EYA4: variants seen among roughly 807,000 people sequenced by gnomAD.
EYA4 encodes the protein protein phosphatase EYA4.
A neutral mutation model predicts 87.9 loss-of-function variants in EYA4; 31 were observed. That is an observed-to-expected ratio of 0.35 (90% CI 0.27 to 0.48). EYA4 has a LOEUF of 0.48. Ranked by LOEUF, EYA4 falls within the 20% of genes least tolerant of loss-of-function variation. The pLI, the probability that EYA4 is intolerant of heterozygous loss-of-function variation, is 0.99. For missense variants in EYA4, 678 were observed against 761.4 expected (o/e 0.89, Z 1.29); for synonymous variants, 263 against 270.6 (o/e 0.97, Z 0.28).
intron 11 of EYA4, among the ~76,000 whole-genome samples, chr6:133,472,845 G>A (rs201455542): frequency 0.024 from 3,350 of 142,052 alleles, 127 homozygotes; most frequent in African/African-American, 0.084. Flanking sequence ...TTACCATTAT[G>A]TAATGGCCTT....
intron 3 of EYA4, among the ~76,000 whole-genome samples, chr6:133,396,776 G>A (rs1400514557): frequency 6.6e-6 from 1 of 152,084 alleles, no homozygotes; most frequent in East Asian, 1.9e-4. Context: ...TTACCCATTG[G>A]TATTTCTCCA....
Position 133,305,183 on chromosome 6 carries a change from G to A in EYA4, c.33+30370G>A, listed in dbSNP as rs149176333. ...AATGCAAAGAGTCATGAAAGTTGGGGCAGTGGGAGTTATAGTAAGAGATGG... is the reference window on the plus strand; with the variant it reads ...AATGCAAAGAGTCATGAAAGTTGGGACAGTGGGAGTTATAGTAAGAGATGG... On this transcript the variant is annotated intron_variant, in intron 2 of 19. Coordinates refer to ENST00000355286, the MANE Select transcript of EYA4 (RefSeq NM_004100.5). 5.4e-3 allele frequency among the ~76,000 whole-genome samples: 821 copies of A among 152,266 alleles called. 6 individuals are homozygous for A. The highest frequency in any genetic ancestry group is 8.8e-3 in the Non-Finnish European group (596 of 68,014).
At chr6:133,258,694 G>A (rs952560800) in intron 1 of EYA4, among the ~76,000 whole-genome samples, 2 of 151,890 alleles carry the variant, frequency 1.3e-5, no homozygotes, top group Non-Finnish European at 2.9e-5. Flanking sequence ...TGCTTGTATG[G>A]CTCTCCATCT....
Position 133,530,284 on chromosome 6 carries a change from C to T in EYA4, c.*1479C>T, listed in dbSNP as rs989837535. ...TTAGTTTCTGCCTGTATTGTCACTGCGCAACGGATGGCATTCATTACAAGA... is the reference window on the plus strand; with the variant it reads ...TTAGTTTCTGCCTGTATTGTCACTGTGCAACGGATGGCATTCATTACAAGA... On this transcript the variant is annotated 3_prime_UTR_variant, in exon 20 of 20. Transcript: ENST00000355286. 2.7e-5 allele frequency: 27 copies of T among 985,242 alleles called. No individual in the cohort carries two copies. Among genetic ancestry groups the T allele is most frequent in the South Asian group, 4.7e-5 (1 of 21,288 alleles). The allele number at this position is 985,242 out of a possible 1,614,324, so 61.0% of individuals were successfully genotyped here.
intron 2 of EYA4, among the ~76,000 whole-genome samples, chr6:133,299,494 G>A (rs550901172): frequency 5.3e-5 from 8 of 151,858 alleles, no homozygotes; most frequent in African/African-American, 1.9e-4. Flanking sequence ...GGTGGATCAC[G>A]AGGTCAGGAG....
intron 2 of EYA4, among the ~76,000 whole-genome samples, chr6:133,365,101 A>T (rs1426095335): frequency 6.6e-6 from 1 of 152,154 alleles, no homozygotes; most frequent in African/African-American, 2.4e-5. Context: ...TGGTCAAAAG[A>T]TGGAACAGGA....
At chr6:133,509,985 C>A (rs2128772358) in intron 14 of EYA4, among the ~76,000 whole-genome samples, 1 of 152,204 alleles carries the variant, frequency 6.6e-6, no homozygotes, top group African/African-American at 2.4e-5. Context: ...AGGCAACCGT[C>A]CAGAGTCAAC....
At chr6:133,434,247 C>A (rs756793945) in intron 3 of EYA4, among the ~76,000 whole-genome samples, 6 of 152,072 alleles carry the variant, frequency 3.9e-5, no homozygotes, top group Non-Finnish European at 7.4e-5. Flanking sequence ...TGACCCATGA[C>A]AATAAATGAA....
chr6:133,405,947 G>A (rs1788663761), intron 3 of EYA4, among the ~76,000 whole-genome samples: 1 of 152,082 alleles, frequency 6.6e-6, no homozygotes, highest in African/African-American at 2.4e-5. Flanking sequence ...GTGAGAGCAT[G>A]TCTGTTGTAT....
chr6:133,404,879 C>T (rs296425), intron 3 of EYA4, among the ~76,000 whole-genome samples: 106,855 of 152,118 alleles, frequency 0.7, 39,234 homozygotes, highest in Non-Finnish European at 0.82. Flanking sequence ...AAATGGGAAA[C>T]CCTAATTCCC....
In EYA4 at chr6:133,329,970, A is replaced by C. The variant is rs527499582; in HGVS notation, c.34-52422A>C. 2.0e-5 allele frequency among the ~76,000 whole-genome samples: 3 copies of C among 152,238 alleles called. No individual in the cohort carries two copies. In the South Asian group the frequency reaches 6.2e-4, roughly 32 times the overall value. ...GCATAGGAATGAACAAGAGTTGTCT[A>C]AGAAAGATGATTGAATTGGGTCAGA... On this transcript the variant is annotated intron_variant, in intron 2 of 19. Transcript: ENST00000355286.
At chr6:133,313,982 G>A (rs17242410) in intron 2 of EYA4, among the ~76,000 whole-genome samples, 66,466 of 151,828 alleles carry the variant, frequency 0.44, 15,241 homozygotes, top group Non-Finnish European at 0.53. Context: ...AAAAATGGCT[G>A]AACTCTAATA....
chr6:133,494,059 A>T (rs2128734343), intron 13 of EYA4, among the ~76,000 whole-genome samples: 1 of 152,340 alleles, frequency 6.6e-6, no homozygotes, highest in South Asian at 2.1e-4. Context: ...GTGATCCAGC[A>T]ATCTCATTGC....
At chr6:133,349,317 G>GT (rs1490341052) in intron 2 of EYA4, among the ~76,000 whole-genome samples, 1 of 152,008 alleles carries the variant, frequency 6.6e-6, no homozygotes, top group Admixed American at 6.6e-5. Flanking sequence ...ATAAATTTTA[G>GT]TTTTTTTGTT....
intron 14 of EYA4, among the ~76,000 whole-genome samples, chr6:133,511,516 C>G (rs930112053): frequency 3.3e-5 from 5 of 151,630 alleles, no homozygotes; most frequent in African/African-American, 1.2e-4. Flanking sequence ...GAGAACTAGG[C>G]ATTTTAAATG....
At position 133,456,625 on chromosome 6, in the gene EYA4, C is replaced by T. The variant is rs747223436; in HGVS notation, c.347C>T (p.Ala116Val). ...ACCACAGCCACGACTGGAGATGGAG[C>T]GCTTGACACTTTTACTGGGTCAGGT... ...SETTATTGDG[A>V]LDTFTGSVIT... The change falls in exon 6 of 20, where the codon GCG (alanine) becomes GTG (valine). Residue 116 changes from alanine (A) to valine (V), a missense_variant. Transcript: ENST00000355286. 1.7e-5 allele frequency: 27 copies of T among 1,612,890 alleles called. No homozygotes were observed. The Admixed American group carries it at 2.7e-4, about 16-fold the overall frequency.
At chr6:133,266,691 A>G (rs2128250130) in intron 1 of EYA4, among the ~76,000 whole-genome samples, 1 of 152,302 alleles carries the variant, frequency 6.6e-6, no homozygotes. Context: ...ATACTTGTCT[A>G]AAAGTTTCTA....
At chr6:133,375,490 T>A (rs896195948) in intron 2 of EYA4, among the ~76,000 whole-genome samples, 1 of 151,746 alleles carries the variant, frequency 6.6e-6, no homozygotes, top group Non-Finnish European at 1.5e-5. Flanking sequence ...TTTTTTATGT[T>A]CCTTCATACA....
chr6:133,269,829 T>TA, intron 1 of EYA4, among the ~76,000 whole-genome samples: 1 of 152,258 alleles, frequency 6.6e-6, no homozygotes, highest in Non-Finnish European at 1.5e-5. Context: ...AGTATTAACT[T>TA]ACACTTATTA....
Sources: allele counts gnomAD v4.1 joint callset (sites outside exome capture counted in the v4.1 genomes callset), GRCh38; gene constraint gnomAD v4.1.1; transcripts MANE v1.5; gene names NCBI Gene and HGNC (gene_info 2026-07-23, HGNC 2026-07-21).